The following PTGS2 variants were observed in gnomAD, a reference collection of about 807,000 sequenced individuals.
The protein encoded by PTGS2 is prostaglandin-endoperoxide synthase 2.
Under a neutral mutation model 63.8 loss-of-function variants are expected in PTGS2, and 14 were observed. The ratio of observed to expected loss-of-function variants is 0.22; its 90% CI spans 0.14 to 0.34. The LOEUF (loss-of-function observed/expected upper bound fraction) is 0.34, where lower values mean the gene tolerates loss of function less well. PTGS2 is among the 10% of genes least tolerant of loss of function. The pLI is 1.00. For synonymous variants in PTGS2, 271 were observed against 259.5 expected (o/e 1.04, Z -0.43); for missense variants, 533 against 738.5 (o/e 0.72, Z 3.23).
Position 186,680,229 on chromosome 1 carries a change from A to C in PTGS2, c.52+10T>G, listed in dbSNP as rs767685392. ...ACCGGAGTCCCCGGTGCGCGGCGCC[A>C]GGTACTCACCTGTATGGCTGAGCGC... On this transcript the variant is annotated intron_variant, in intron 1 of 9. Coordinates refer to ENST00000367468, the MANE Select transcript of PTGS2 (RefSeq NM_000963.4). 1.3e-6 allele frequency: 2 copies of C among 1,549,700 alleles called. No individual in the cohort carries two copies. The highest frequency in any genetic ancestry group is 1.7e-6 in the Non-Finnish European group (2 of 1,146,708).
At chr1:186,680,216 G>A (rs1240225154) in intron 1 of PTGS2, 23 bp downstream of exon 1, 2 of 1,549,620 alleles carry the variant, frequency 1.3e-6, no homozygotes, top group Non-Finnish European at 1.7e-6. Context: ...CGGAGTCCCC[G>A]GTGCGCGGCG....
Position 186,674,343 on chromosome 1 carries a change from C to T in PTGS2, c.*10G>A. 1 of 1,531,216 alleles carries T rather than the reference C, an allele frequency of 6.5e-7. No homozygotes were observed. Among genetic ancestry groups the T allele is most frequent in the East Asian group, 2.3e-5 (1 of 43,906 alleles). The allele number at this position is 1,531,216 out of a possible 1,614,324, so 94.9% of individuals were successfully genotyped here. ...GTTCATATAAATAAATAAATATGAT[C>T]ATTAGACTTCTACAGTTCAGTCGAA... On this transcript the variant is annotated 3_prime_UTR_variant, in exon 10 of 10. Coordinates refer to ENST00000367468, the MANE Select transcript of PTGS2 (RefSeq NM_000963.4).
chr1:186,675,829 A>T (rs1665769016), intron 8 of PTGS2, 69 bp downstream of exon 8: 5 of 1,427,632 alleles, frequency 3.5e-6, no homozygotes, highest in Non-Finnish European at 4.7e-6. Context: ...TAAGAAAAAT[A>T]ATTTCCGTGG....
intron 6 of PTGS2, 45 bp downstream of exon 6, chr1:186,676,788 G>A (rs1455447021): frequency 1.9e-6 from 3 of 1,600,368 alleles, no homozygotes; most frequent in South Asian, 2.3e-5. Context: ...TAAAATATGG[G>A]TATAAGCGGT....
rs1211300606 is a variant in PTGS2, at chr1:186,671,945, C to T, written c.*2408G>A. 1 of 151,802 alleles carries T rather than the reference C, an allele frequency of 6.6e-6. No homozygotes were observed. Among genetic ancestry groups the T allele is most frequent in the Non-Finnish European group, 1.5e-5 (1 of 67,924 alleles). The allele number at this position is 151,802 out of a possible 1,614,324, so 9.4% of individuals were successfully genotyped here. On this transcript the variant is annotated 3_prime_UTR_variant, in exon 10 of 10. Coordinates refer to ENST00000367468, the MANE Select transcript of PTGS2 (RefSeq NM_000963.4). ...ACATTCGCATACACAACCCAAATTCCCAGGTTTTGTCAGCAGATCAATGTT... is the reference window on the plus strand; with the variant it reads ...ACATTCGCATACACAACCCAAATTCTCAGGTTTTGTCAGCAGATCAATGTT...
Position 186,676,587 on chromosome 1 carries a change from G to A in PTGS2, c.850C>T (p.Leu284=), listed in dbSNP as rs773957419. The change falls in exon 7 of 10, where the codon CTG becomes TTG. Residue 284 remains leucine (L), a synonymous_variant. Coordinates refer to ENST00000367468, the MANE Select transcript of PTGS2 (RefSeq NM_000963.4). ...GQEVFGLVPG[L]MMYATIWLRE... Reference sequence around the variant, plus strand: ...AGCCAGATTGTGGCATACATCATCAGACCAGGCACCAGACCAAAGACCTCC... The same window carrying A: ...AGCCAGATTGTGGCATACATCATCAAACCAGGCACCAGACCAAAGACCTCC... 1.2e-6 allele frequency: 2 copies of A among 1,614,006 alleles called. No homozygotes were observed. The highest frequency in any genetic ancestry group is 2.2e-5 in the South Asian group (2 of 91,082).
At chr1:186,677,923 G>A (rs1236258047) in intron 4 of PTGS2, 93 bp from the exon 5 acceptor site, 4 of 1,225,930 alleles carry the variant, frequency 3.3e-6, no homozygotes, top group African/African-American at 3.1e-5. Context: ...TCATTTATAT[G>A]AGAATTACAA....
At position 186,674,383 on chromosome 1, in the gene PTGS2, T is replaced by C; in HGVS notation, c.1785A>G (p.Val595=). 1.2e-6 allele frequency: 2 copies of C among 1,613,540 alleles called. No individual in the cohort carries two copies. The highest frequency in any genetic ancestry group is 1.7e-6 in the Non-Finnish European group (2 of 1,179,442). The change falls in exon 10 of 10, where the codon GTA becomes GTG. Residue 595 remains valine, a synonymous_variant. Coordinates refer to ENST00000367468, the MANE Select transcript of PTGS2 (RefSeq NM_000963.4). ...GTTCAGTCGAACGTTCTTTTAGTAG[T>C]ACTGTGGGATTGATATCATCTAGTC... The part of the protein sequence containing the change: ...RSGLDDINPT[V]LLKERSTEL
chr1:186,676,092 T>C lies in PTGS2; in HGVS notation c.1063A>G (p.Lys355Glu), dbSNP rs759085374. The change falls in exon 8 of 10, where the codon AAA (lysine) becomes GAA (glutamate). Residue 355 changes from lysine to glutamate, a missense_variant. By Grantham distance (56) the Lys-to-Glu change is moderately conservative (BLOSUM62 1). Transcript: ENST00000367468. ...ATACGATTTTGGTACTGGAATTGTT[T>C]GTTGAAAAGTAGTTCTGGGTCAAAT... ...LKFDPELLFN[K>E]QFQYQNRIAA... is the part of the protein sequence containing the mutation. 1.2e-6 allele frequency: 2 copies of C among 1,614,044 alleles called. No homozygotes were observed. The highest frequency in any genetic ancestry group is 2.7e-5 in the African/African-American group (2 of 74,942).
Position 186,676,583 on chromosome 1 carries a change from A to G in PTGS2, c.854T>C (p.Met285Thr), listed in dbSNP as rs1665785465. ...CCGCAGCCAGATTGTGGCATACATC[A>G]TCAGACCAGGCACCAGACCAAAGAC... Reference protein sequence around the residue: ...QEVFGLVPGLMMYATIWLREH... With the variant: ...QEVFGLVPGLTMYATIWLREH... The change falls in exon 7 of 10, where the codon ATG becomes ACG. Residue 285 changes from methionine (M) to threonine (T), a missense_variant. By Grantham distance (81) the Met-to-Thr change is moderately conservative. Transcript: ENST00000367468. 10 of 1,614,182 alleles carry G rather than the reference A, an allele frequency of 6.2e-6. No homozygotes were observed. The highest frequency in any genetic ancestry group is 8.5e-6 in the Non-Finnish European group (10 of 1,180,018).
rs776721278 is a variant in PTGS2 at position 186,676,560 on chromosome 1, G to T, written c.877C>A (p.Arg293=). 3 of 1,614,028 alleles carry T rather than the reference G, an allele frequency of 1.9e-6. No homozygotes were observed. The highest frequency in any genetic ancestry group is 2.5e-6 in the Non-Finnish European group (3 of 1,179,998). The change falls in exon 7 of 10, where the codon CGG becomes AGG. Residue 293 remains arginine (R), a synonymous_variant. Coordinates refer to ENST00000367468, the MANE Select transcript of PTGS2 (RefSeq NM_000963.4). ...GLMMYATIWL[R]EHNRVCDVLK... The stretch of plus-strand genomic sequence containing the variant: ...ACATCGCATACTCTGTTGTGTTCCC[G>T]CAGCCAGATTGTGGCATACATCATC...
intron 5 of PTGS2, 120 bp from the exon 6 acceptor site, chr1:186,677,036 TAA>T: frequency 1.4e-6 from 1 of 739,690 alleles, no homozygotes; most frequent in Non-Finnish European, 2.2e-6. Flanking sequence ...AATTTTTAAA[TAA>T]AATATACATT....
chr1:186,680,180 G>C lies in PTGS2; in HGVS notation c.52+59C>G. Reference sequence around the variant, plus strand: ...TGGGATAGACCCAGGAGGTCAGAGCGGAAACTCTGCCCGGGTGCGTGGAAC... The same window carrying C: ...TGGGATAGACCCAGGAGGTCAGAGCCGAAACTCTGCCCGGGTGCGTGGAAC... On this transcript the variant is annotated intron_variant, in intron 1 of 9. Coordinates refer to ENST00000367468, the MANE Select transcript of PTGS2 (RefSeq NM_000963.4). 1.9e-6 allele frequency: 3 copies of C among 1,549,612 alleles called. No homozygotes were observed. The South Asian group carries it at 3.6e-5, about 18-fold the overall frequency.
intron 1 of PTGS2, among the ~76,000 whole-genome samples, chr1:186,679,825 T>G (rs1665845055): frequency 6.6e-6 from 1 of 152,186 alleles, no homozygotes; most frequent in Non-Finnish European, 1.5e-5. Context: ...ACATTTTGCT[T>G]ATCTTAAAAC....
intron 5 of PTGS2, among the ~76,000 whole-genome samples, chr1:186,677,390 A>G (rs1665800498): frequency 6.6e-6 from 1 of 152,188 alleles, no homozygotes; most frequent in Non-Finnish European, 1.5e-5. Flanking sequence ...ACAAGGGTCA[A>G]ATTACAAATA....
At chr1:186,679,924 A>G (rs769289014) in intron 1 of PTGS2, among the ~76,000 whole-genome samples, 2 of 152,224 alleles carry the variant, frequency 1.3e-5, no homozygotes, top group Non-Finnish European at 2.9e-5. Flanking sequence ...CCAAATATAA[A>G]CAATTCACAT....
At chr1:186,675,218 A>G (rs1665759555) in intron 9 of PTGS2, 31 bp downstream of exon 9, 6 of 1,597,408 alleles carry the variant, frequency 3.8e-6, no homozygotes, top group African/African-American at 1.4e-5. Flanking sequence ...AAACAAACAA[A>G]AAACGAAGAA....
At chr1:186,675,186 A>G in intron 9 of PTGS2, 63 bp downstream of exon 9, 1 of 1,592,910 alleles carries the variant, frequency 6.3e-7, no homozygotes, top group South Asian at 1.1e-5. Context: ...CGAAAAGAAA[A>G]CCAAAAACAA....
At position 186,674,205 on chromosome 1, in the gene PTGS2, A is replaced by G. The variant is rs1558245737; in HGVS notation, c.*148T>C. Reference sequence around the variant, plus strand: ...TTAGAGTAGTGACATAAAAGTCTTCACAAGTATGACTCCTTTCTCCGCAAC... The same window carrying G: ...TTAGAGTAGTGACATAAAAGTCTTCGCAAGTATGACTCCTTTCTCCGCAAC... On this transcript the variant is annotated 3_prime_UTR_variant, in exon 10 of 10. Transcript: ENST00000367468. 4.5e-6 allele frequency: 2 copies of G among 444,170 alleles called. No individual in the cohort carries two copies. The highest frequency in any genetic ancestry group is 8.5e-5 in the East Asian group (2 of 23,400). The allele number at this position is 444,170 out of a possible 1,614,324, so 27.5% of individuals were successfully genotyped here. A position where few individuals can be genotyped will look rare whatever the true frequency, so the allele number is the denominator to read the frequency against.
Sources: gnomAD v4.1 joint callset for allele counts (sites outside exome capture counted in the v4.1 genomes callset) on GRCh38, gnomAD v4.1.1 for gene constraint, MANE v1.5 for transcripts, NCBI Gene and HGNC (gene_info 2026-07-23, HGNC 2026-07-21) for gene names.